Variants in KANK3 observed in about 807,000 individuals in gnomAD.
KANK3 encodes KN motif and ankyrin repeat domains 3, also known as KN motif and ankyrin repeat domain-containing protein 3.
In KANK3, 61 loss-of-function variants were observed where a neutral mutation model predicts 65.4. The ratio of observed to expected loss-of-function variants is 0.93; its 90% CI spans 0.76 to 1.15. The LOEUF (loss-of-function observed/expected upper bound fraction) is 1.15, where lower values mean the gene tolerates loss of function less well. Ranked by LOEUF, KANK3 falls within the 50% of genes most tolerant of loss-of-function variation. KANK3 has a pLI of 0.00. For synonymous variants in KANK3, 586 were observed against 543.3 expected, an observed-to-expected ratio of 1.08 and a Z score of -1.09; for missense variants, 1,187 against 1,178.8, an observed-to-expected ratio of 1.01 and a Z score of -0.10.
Position 8,333,302 on chromosome 19 carries a change from G to A in KANK3, c.1720-72C>T. 2.4e-6 allele frequency: 3 copies of A among 1,252,096 alleles called. No individual in the cohort carries two copies. The highest frequency in any genetic ancestry group is 3.3e-6 in the Non-Finnish European group (3 of 895,912). 77.6% of individuals were successfully genotyped at this position (1,252,096 alleles called of 1,614,324 possible). A position where few individuals can be genotyped will look rare whatever the true frequency, so the allele number is the denominator to read the frequency against. On this transcript the variant is annotated intron_variant, in intron 6 of 10. Transcript: ENST00000330915. This position sits in a 1 kb window ranked among gnomAD's most constrained non-coding sequence, Gnocchi z 5.0. The stretch of plus-strand genomic sequence containing the variant: ...GCGCCGTGGTGGGGGAGCTGGGGAG[G>A]GGCGGGACTGGGAAGAGACCCATTT...
chr19:8,333,972 G>A lies in KANK3; in HGVS notation c.1572C>T (p.Gly524=). Residue 524 remains glycine (G), a synonymous_variant, in exon 5 of 11, where the codon GGC becomes GGT. Coordinates refer to ENST00000330915, the MANE Select transcript of KANK3 (RefSeq NM_198471.3). The surrounding 1 kb of genome is among the most constrained non-coding windows in gnomAD (Gnocchi z 5.0). ...SDSGTPGPPS[G]GDIRDPEPEA... is the part of the protein sequence containing the mutation. ...CGGGCTCAGGGTCCCGGATGTCCCCGCCGCTGGGAGGGCCAGGGGTGCCCG... is the reference window on the plus strand; with the variant it reads ...CGGGCTCAGGGTCCCGGATGTCCCCACCGCTGGGAGGGCCAGGGGTGCCCG... 1 of 1,568,724 alleles carries A rather than the reference G, an allele frequency of 6.4e-7. No homozygotes were observed. The highest frequency in any genetic ancestry group is 2.4e-5 in the East Asian group (1 of 42,452).
Position 8,333,243 on chromosome 19 carries a change from G to C in KANK3, c.1720-13C>G, listed in dbSNP as rs201417948. 48 of 1,601,332 alleles carry C rather than the reference G, an allele frequency of 3.0e-5. No homozygotes were observed. The Admixed American group carries it at 5.4e-4, about 18-fold the overall frequency. ...GGCGCACTGCGCCCTGCAAGGGACA[G>C]GGGCCAAGATAACATCGGCGATGGT... is the stretch of plus-strand genomic sequence containing the variant. On this transcript the variant is annotated splice_polypyrimidine_tract_variant and intron_variant, in intron 6 of 10. Transcript: ENST00000330915. This position sits in a 1 kb window ranked among gnomAD's most constrained non-coding sequence, Gnocchi z 5.0.
At chr19:8,337,711 G>A (rs1970665787) in intron 2 of KANK3, 84 bp downstream of exon 2, 4 of 1,501,832 alleles carry the variant, frequency 2.7e-6, no homozygotes, top group Non-Finnish European at 3.7e-6. Flanking sequence ...CTCTAGGGCT[G>A]TAGGCTGCGT....
intron 1 of KANK3, among the ~76,000 whole-genome samples, chr19:8,339,073 G>A (rs1338539863): frequency 6.6e-6 from 1 of 151,998 alleles, no homozygotes; most frequent in Non-Finnish European, 1.5e-5. Flanking sequence ...GCTTGTAAGA[G>A]TTTGTAATGC....
rs778651841 is a variant in KANK3, at chr19:8,334,549, C to T, written c.1278G>A (p.Gln426=). The change falls in exon 3 of 11, where the codon CAG becomes CAA. Residue 426 remains glutamine (Q), a synonymous_variant. Coordinates refer to ENST00000330915, the MANE Select transcript of KANK3 (RefSeq NM_198471.3). ...CGTCCATGGATCCGGGCGAGCTCTC[C>T]TGAGTCAAGGAGGGCGCCTCTGCCG... ...ESPAEAPSLT[Q]ESSPGSMDGD... The T allele has an allele frequency of 1.2e-6, 2 of 1,601,700 alleles. No homozygotes were observed. The highest frequency in any genetic ancestry group is 8.5e-7 in the Non-Finnish European group (1 of 1,179,308).
chr19:8,334,198 C>T, intron 4 of KANK3, 82 bp from the exon 5 acceptor site: 1 of 1,508,046 alleles, frequency 6.6e-7, no homozygotes, highest in Non-Finnish European at 8.9e-7. Flanking sequence ...TGGCCGTTCC[C>T]ATTTAACGAT....
chr19:8,336,370 G>T (rs1407649082), intron 2 of KANK3, among the ~76,000 whole-genome samples: 2 of 150,610 alleles, frequency 1.3e-5, no homozygotes, highest in African/African-American at 4.9e-5. Context: ...CTGGTAGGCG[G>T]AGTTTGAGGT....
In KANK3 at chr19:8,324,761, A is replaced by G. The variant is rs1178223359; in HGVS notation, c.2152T>C (p.Cys718Arg). Residue 718 changes from cysteine to arginine, a missense_variant, in exon 9 of 11, where the codon TGT (cysteine) becomes CGT (arginine). Physicochemically the swap from Cys to Arg is radical, Grantham distance 180. This residue lies in a region of KANK3 where 1,078 missense variants were observed against 1,038.2 expected (regional missense o/e 1.04). Coordinates refer to ENST00000330915, the MANE Select transcript of KANK3 (RefSeq NM_198471.3). ...RQDMVATLLA[C>R]GADVNAQDAD... Reference sequence around the variant, plus strand: ...TCCTGCGCATTCACATCAGCCCCACACGCCAGTAGGGTTGCCACCATGTCC... The same window carrying G: ...TCCTGCGCATTCACATCAGCCCCACGCGCCAGTAGGGTTGCCACCATGTCC... 1.4e-5 allele frequency: 23 copies of G among 1,614,072 alleles called. No individual in the cohort carries two copies. The highest frequency in any genetic ancestry group is 3.3e-5 in the Admixed American group (2 of 60,030).
chr19:8,331,980 CTTTTTTTTTTTT>C lies in KANK3; in HGVS notation c.1936+1022_1936+1033del, dbSNP rs1166441751. 4.4e-4 allele frequency among the ~76,000 whole-genome samples: 30 copies of C among 67,900 alleles called. 1 individual carries two copies. The highest frequency in any genetic ancestry group is 6.2e-4 in the Non-Finnish European group (24 of 38,950). 44.5% of individuals were successfully genotyped at this position (67,900 alleles called of 152,430 possible). A position where few individuals can be genotyped will look rare whatever the true frequency, so the allele number is the denominator to read the frequency against. ...GGGGTATGGTGGGGCCAAAAGGCCT[CTTTTTTTTTTTT>C]TTTTTTTTTTTTTTTTTGAGATGGA... is the stretch of plus-strand genomic sequence containing the variant. On this transcript the variant is annotated intron_variant, in intron 7 of 10. Coordinates refer to ENST00000330915, the MANE Select transcript of KANK3 (RefSeq NM_198471.3).
At chr19:8,326,290 G>A (rs945572594) in intron 7 of KANK3, among the ~76,000 whole-genome samples, 8 of 152,108 alleles carry the variant, frequency 5.3e-5, no homozygotes, top group Admixed American at 2.0e-4. Flanking sequence ...ATAGCCAGGC[G>A]TGGTGGCAGG....
chr19:8,331,308 C>T (rs1263220357), intron 7 of KANK3, among the ~76,000 whole-genome samples: 1 of 152,152 alleles, frequency 6.6e-6, no homozygotes, highest in African/African-American at 2.4e-5. Flanking sequence ...CTTGCCGCAG[C>T]CCCAGCCCCC....
chr19:8,322,597 T>A lies in KANK3; in HGVS notation c.*242A>T, dbSNP rs1380373045. ...AAAACACAAGCGTAGTAGGAATGTT[T>A]TATTAGCAAAGAAGTTTCAGAGAGT... On this transcript the variant is annotated 3_prime_UTR_variant, in exon 11 of 11. Coordinates refer to ENST00000330915, the MANE Select transcript of KANK3 (RefSeq NM_198471.3). 1 of 561,138 alleles carries A rather than the reference T, an allele frequency of 1.8e-6. No homozygotes were observed. Among genetic ancestry groups the A allele is most frequent in the Non-Finnish European group, 3.2e-6 (1 of 315,114 alleles). 34.8% of individuals were successfully genotyped at this position (561,138 alleles called of 1,614,324 possible).
chr19:8,336,159 C>T (rs1970634136), intron 2 of KANK3, among the ~76,000 whole-genome samples: 1 of 152,066 alleles, frequency 6.6e-6, no homozygotes. Flanking sequence ...AGCCCTGGCC[C>T]GGCGTGTGGT....
At position 8,335,714 on chromosome 19, in the gene KANK3, G is replaced by A; in HGVS notation, c.113C>T (p.Thr38Met). ...RSPSSPYSVE[T>M]PYGFHLDLDF... Reference sequence around the variant, plus strand: ...CAGGTCCAGGTGGAAGCCGTAGGGCGTCTCCACCGAGTAGGGCGAGCTCGG... The same window carrying A: ...CAGGTCCAGGTGGAAGCCGTAGGGCATCTCCACCGAGTAGGGCGAGCTCGG... Residue 38 changes from threonine (T) to methionine (M), a missense_variant, in exon 3 of 11, where the codon ACG becomes ATG. By Grantham distance (81) the Thr-to-Met change is moderately conservative. This residue lies in a region of KANK3 where 104 missense variants were observed against 122.1 expected (regional missense o/e 0.85). Transcript: ENST00000330915. 3 of 1,250,964 alleles carry A rather than the reference G, an allele frequency of 2.4e-6. No individual in the cohort carries two copies. The highest frequency in any genetic ancestry group is 2.0e-6 in the Non-Finnish European group (2 of 993,546). The allele number at this position is 1,250,964 out of a possible 1,614,324, so 77.5% of individuals were successfully genotyped here.
At position 8,334,785 on chromosome 19, in the gene KANK3, G is replaced by A. The variant is rs1427283234; in HGVS notation, c.1042C>T (p.Pro348Ser). The A allele has an allele frequency of 4.7e-6, 7 of 1,497,356 alleles. No homozygotes were observed. Among genetic ancestry groups the A allele is most frequent in the Admixed American group, 2.2e-5 (1 of 45,966 alleles). 92.8% of individuals were successfully genotyped at this position (1,497,356 alleles called of 1,614,324 possible). A position where few individuals can be genotyped will look rare whatever the true frequency, so the allele number is the denominator to read the frequency against. ...TCTAGCTCGCGCTCGGCGGCCGCAGGCAGCCCCAGCAGCGCCTCGGTCACC... is the reference window on the plus strand; with the variant it reads ...TCTAGCTCGCGCTCGGCGGCCGCAGACAGCCCCAGCAGCGCCTCGGTCACC... Reference protein sequence around the residue: ...AWVTEALLGLPAAAERELELL... With the variant: ...AWVTEALLGLSAAAERELELL... The change falls in exon 3 of 11, where the codon CCT (proline) becomes TCT (serine). Residue 348 changes from proline to serine, a missense_variant. This residue lies in a region of KANK3 where 1,078 missense variants were observed against 1,038.2 expected (regional missense o/e 1.04). Coordinates refer to ENST00000330915, the MANE Select transcript of KANK3 (RefSeq NM_198471.3).
chr19:8,326,111 C>T (rs1433354292), intron 7 of KANK3, among the ~76,000 whole-genome samples: 5 of 152,072 alleles, frequency 3.3e-5, no homozygotes, highest in Admixed American at 1.3e-4. Context: ...TGTGAGCCAC[C>T]GCGCCTGGCC....
chr19:8,329,872 C>A (rs1328257093), intron 7 of KANK3, among the ~76,000 whole-genome samples: 1 of 152,210 alleles, frequency 6.6e-6, no homozygotes, highest in Non-Finnish European at 1.5e-5. Flanking sequence ...TCTACCTTAC[C>A]AGACTCAGGC....
At position 8,334,814 on chromosome 19, in the gene KANK3, G is replaced by A. The variant is rs1407227696; in HGVS notation, c.1013C>T (p.Ala338Val). Residue 338 changes from alanine (A) to valine (V), a missense_variant, in exon 3 of 11, where the codon GCG becomes GTG. Around this residue, in one of 3 missense-constraint regions of KANK3, gnomAD observed 1,078 missense variants for 1,038.2 expected, o/e 1.04. Transcript: ENST00000330915. ...EAAPETVEAD[A>V]WVTEALLGLP... ...CCCCAGCAGCGCCTCGGTCACCCAC[G>A]CGTCCGCCTCCACGGTCTCGGGGGC... 1 of 1,493,408 alleles carries A rather than the reference G, an allele frequency of 6.7e-7. No individual in the cohort carries two copies. The allele number at this position is 1,493,408 out of a possible 1,614,324, so 92.5% of individuals were successfully genotyped here. A position where few individuals can be genotyped will look rare whatever the true frequency, so the allele number is the denominator to read the frequency against.
At position 8,333,974 on chromosome 19, in the gene KANK3, C is replaced by T. The variant is rs756180019; in HGVS notation, c.1570G>A (p.Gly524Ser). The part of the protein sequence containing the change: ...SDSGTPGPPS[G>S]GDIRDPEPEA... ...GGCTCAGGGTCCCGGATGTCCCCGCCGCTGGGAGGGCCAGGGGTGCCCGAG... is the reference window on the plus strand; with the variant it reads ...GGCTCAGGGTCCCGGATGTCCCCGCTGCTGGGAGGGCCAGGGGTGCCCGAG... The change falls in exon 5 of 11, where the codon GGC (glycine) becomes AGC (serine). Residue 524 changes from glycine to serine, a missense_variant. Gly to Ser is a moderately conservative substitution (Grantham distance 56). Around this residue, in one of 3 missense-constraint regions of KANK3, gnomAD observed 1,078 missense variants for 1,038.2 expected, o/e 1.04. Coordinates refer to ENST00000330915, the MANE Select transcript of KANK3 (RefSeq NM_198471.3). The surrounding 1 kb of genome is among the most constrained non-coding windows in gnomAD (Gnocchi z 5.0). 6.4e-7 allele frequency: 1 copy of T among 1,568,846 alleles called. No homozygotes were observed. Among genetic ancestry groups the T allele is most frequent in the South Asian group, 1.2e-5 (1 of 86,632 alleles).
Sources: gnomAD v4.1 joint callset for allele counts (sites outside exome capture counted in the v4.1 genomes callset) on GRCh38, gnomAD v4.1.1 for gene constraint, gnomAD v4.1.1 regional missense constraint, Gnocchi (gnomAD v3.1) non-coding constraint, MANE v1.5 for transcripts, NCBI Gene and HGNC (gene_info 2026-07-23, HGNC 2026-07-21) for gene names.